ENDOV: variants seen among roughly 807,000 people sequenced by gnomAD.
ENDOV encodes hEndoV.
Under a neutral mutation model 39.4 loss-of-function variants are expected in ENDOV, and 37 were observed. The observed-to-expected ratio is 0.94, with a 90% CI of 0.72 to 1.23. The LOEUF (loss-of-function observed/expected upper bound fraction) is 1.23, where lower values mean the gene tolerates loss of function less well. Among genes scored for constraint, ENDOV ranks in the 50% most tolerant of loss-of-function variants. The pLI is 0.00. For missense variants in ENDOV, 441 were observed against 375.7 expected (o/e 1.17, Z -1.44); for synonymous variants, 186 against 163.4 (o/e 1.14, Z -1.05).
intron 5 of ENDOV, among the ~76,000 whole-genome samples, chr17:80,424,548 T>C (rs953643040): frequency 1.3e-5 from 2 of 152,198 alleles, no homozygotes; most frequent in Admixed American, 6.5e-5. Context: ...ACAAGACCAC[T>C]TCACCGCCTG....
At position 80,423,475 on chromosome 17, in the gene ENDOV, C is replaced by T. The variant is rs529796143; in HGVS notation, c.404-45C>T. The T allele has an allele frequency of 1.2e-4, 160 of 1,342,138 alleles. 1 individual carries two copies. In the East Asian group the frequency reaches 4.0e-3, roughly 33 times the overall value. 83.1% of individuals were successfully genotyped at this position (1,342,138 alleles called of 1,614,324 possible). A position where few individuals can be genotyped will look rare whatever the true frequency, so the allele number is the denominator to read the frequency against. ...GCTTGTCCTGAATCCCTGTGCCAGG[C>T]CCCAGCCCCACCTCCCCAACCCCAC... On this transcript the variant is annotated intron_variant, in intron 4 of 9. Coordinates refer to ENST00000518137, the MANE Select transcript of ENDOV (RefSeq NM_173627.5).
chr17:80,427,526 C>T (rs1057251785), intron 7 of ENDOV: 94 of 1,053,478 alleles, frequency 8.9e-5, no homozygotes, highest in Middle Eastern at 2.7e-4. Flanking sequence ...GAAGGAAAGC[C>T]GCAACCAGTT....
chr17:80,430,179 G>A (rs902930485), intron 9 of ENDOV: 41 of 1,491,352 alleles, frequency 2.7e-5, no homozygotes, highest in Non-Finnish European at 3.3e-5. Flanking sequence ...TGGTCACGGT[G>A]CCTCAGAGGA....
intron 5 of ENDOV, chr17:80,424,250 T>C (rs1568230080): frequency 2.5e-6 from 1 of 399,140 alleles, no homozygotes; most frequent in Non-Finnish European, 4.4e-6. Flanking sequence ...GGTGCCTGCA[T>C]GGAGAAGTTG....
intron 2 of ENDOV, chr17:80,419,816 G>A: frequency 1.6e-6 from 1 of 640,218 alleles, no homozygotes; most frequent in Non-Finnish European, 2.9e-6. Flanking sequence ...GTCTACCCAA[G>A]TCCCTAGACC....
At chr17:80,430,220 T>C in intron 9 of ENDOV, 1 of 1,469,478 alleles carries the variant, frequency 6.8e-7, no homozygotes, top group Non-Finnish European at 9.0e-7. Context: ...TGCCAGATCC[T>C]GAGAGCGCAT....
chr17:80,430,717 G>A (rs918249914), intron 9 of ENDOV, among the ~76,000 whole-genome samples: 1 of 152,200 alleles, frequency 6.6e-6, no homozygotes, highest in Non-Finnish European at 1.5e-5. Flanking sequence ...GAGGGGTTGG[G>A]TGCCAGGCTC....
At chr17:80,420,329 C>T (rs2081832877) in intron 2 of ENDOV, 1 of 152,298 alleles carries the variant, frequency 6.6e-6, no homozygotes, top group Admixed American at 6.5e-5. Context: ...TTCCACATGT[C>T]ACTGTGCAAA....
At chr17:80,422,013 G>A (rs370808853) in intron 3 of ENDOV, 51 bp downstream of exon 3, 2 of 1,595,302 alleles carry the variant, frequency 1.3e-6, no homozygotes, top group Non-Finnish European at 8.5e-7. Context: ...TCCCCCTGGG[G>A]GAGGGAAGGC....
At chr17:80,416,068 T>C in intron 2 of ENDOV, 1 of 395,160 alleles carries the variant, frequency 2.5e-6, no homozygotes, top group South Asian at 2.6e-5. Flanking sequence ...AGAAACCCGG[T>C]CTCTACTAAA....
intron 6 of ENDOV, 22 bp downstream of exon 6, chr17:80,425,122 C>A: frequency 1.3e-6 from 2 of 1,594,690 alleles, no homozygotes; most frequent in Non-Finnish European, 1.7e-6. Flanking sequence ...GGGCCCTGAG[C>A]TCCTCCAAAG....
chr17:80,422,382 G>C, intron 4 of ENDOV, 137 bp downstream of exon 4: 1 of 1,054,604 alleles, frequency 9.5e-7, no homozygotes, highest in Non-Finnish European at 1.4e-6. Context: ...CTTTCTCGGC[G>C]CAACGGGGAC....
At chr17:80,429,937 A>T (rs942957348) in intron 9 of ENDOV, 106 bp downstream of exon 9, 2 of 1,593,322 alleles carry the variant, frequency 1.3e-6, no homozygotes, top group African/African-American at 1.3e-5. Flanking sequence ...GGAACTGGGC[A>T]CCATGAAGAC....
At position 80,423,613 on chromosome 17, in the gene ENDOV, A is replaced by G. The variant is rs1442459145; in HGVS notation, c.497A>G (p.Asn166Ser). The change falls in exon 5 of 10, where the codon AAC becomes AGC. Residue 166 changes from asparagine (N) to serine (S), a missense_variant. By Grantham distance (46) the Asn-to-Ser change is conservative. Coordinates refer to ENST00000518137, the MANE Select transcript of ENDOV (RefSeq NM_173627.5). ...KLLQVDGLEN[N>S]ALHKEKIRLL... Reference sequence around the variant, plus strand: ...CTGCAGGTGGATGGGCTGGAGAACAACGCCCTGCACAAGGAGAAGGTGAGG... The same window carrying G: ...CTGCAGGTGGATGGGCTGGAGAACAGCGCCCTGCACAAGGAGAAGGTGAGG... 1.9e-6 allele frequency: 3 copies of G among 1,552,708 alleles called. No homozygotes were observed. In the African/African-American group the frequency reaches 4.1e-5, roughly 21 times the overall value.
rs2083250185 is a variant in ENDOV, at chr17:80,430,292, C to A, written c.838+461C>A. On this transcript the variant is annotated intron_variant, in intron 9 of 9. Transcript: ENST00000518137. ...GCTGCAGCCTGCACGACCCCTGCAG[C>A]CTGTGCTTTGCCCACCCCTTTCAAT... 7 of 1,505,064 alleles carry A rather than the reference C, an allele frequency of 4.7e-6. No individual in the cohort carries two copies. In the South Asian group the frequency reaches 9.0e-5, roughly 19 times the overall value. The allele number at this position is 1,505,064 out of a possible 1,614,324, so 93.2% of individuals were successfully genotyped here.
Position 80,415,200 on chromosome 17 carries a change from C to G in ENDOV, c.6C>G (p.Ala2=), listed in dbSNP as rs773950093. ...GGGGTGCCCGGGACGAAGCCATGGCCCTGGAGGCGGCGGGAGGGCCGCCGG... is the reference window on the plus strand; with the variant it reads ...GGGGTGCCCGGGACGAAGCCATGGCGCTGGAGGCGGCGGGAGGGCCGCCGG... M[A]LEAAGGPPEE... is the part of the protein sequence containing the mutation. The change falls in exon 1 of 10, where the codon GCC becomes GCG. Residue 2 remains alanine, a synonymous_variant. Coordinates refer to ENST00000518137, the MANE Select transcript of ENDOV (RefSeq NM_173627.5). 1.2e-5 allele frequency: 20 copies of G among 1,613,328 alleles called. No individual in the cohort carries two copies. Among genetic ancestry groups the G allele is most frequent in the Non-Finnish European group, 9.3e-6 (11 of 1,179,700 alleles).
At chr17:80,431,026 G>C (rs1325482868) in intron 9 of ENDOV, among the ~76,000 whole-genome samples, 1 of 152,192 alleles carries the variant, frequency 6.6e-6, no homozygotes, top group Admixed American at 6.5e-5. Flanking sequence ...CAGATCCCAG[G>C]CCCCCTGAGG....
Position 80,425,486 on chromosome 17 carries a change from TCACAGGCCCTGAGGAGC to T in ENDOV, c.586-2_600del. 2 of 1,593,948 alleles carry T rather than the reference TCACAGGCCCTGAGGAGC, an allele frequency of 1.3e-6. No homozygotes were observed. Among genetic ancestry groups the T allele is most frequent in the Non-Finnish European group, 1.7e-6 (2 of 1,174,992 alleles). On this transcript the variant is annotated splice_acceptor_variant and splice_polypyrimidine_tract_variant and coding_sequence_variant and intron_variant, in exon 7 of 10. Coordinates refer to ENST00000518137, the MANE Select transcript of ENDOV (RefSeq NM_173627.5). LOFTEE classifies it high-confidence loss of function. ...CACAGGACAGCCCTCGCCTTCCTTG[TCACAGGCCCTGAGGAGC>T]CACGACCGCAGCACCAGGCCCCTCT...
chr17:80,419,978 A>C, intron 2 of ENDOV: 1 of 356,340 alleles, frequency 2.8e-6, no homozygotes, highest in South Asian at 4.0e-5. Context: ...CCAGATTTTT[A>C]ATTTGAAAAT....
Sources: allele counts gnomAD v4.1 joint callset (sites outside exome capture counted in the v4.1 genomes callset), GRCh38; gene constraint gnomAD v4.1.1; transcripts MANE v1.5; gene names NCBI Gene and HGNC (gene_info 2026-07-23, HGNC 2026-07-21).